HNMT: variants seen among roughly 807,000 people sequenced by gnomAD.
The protein encoded by HNMT is histamine N-methyltransferase.
Under a neutral mutation model 32.1 loss-of-function variants are expected in HNMT, and 30 were observed. That is an observed-to-expected ratio of 0.93 (90% CI 0.70 to 1.27). The LOEUF (loss-of-function observed/expected upper bound fraction) is 1.27, where lower values mean the gene tolerates loss of function less well. HNMT is among the 50% of genes most tolerant of loss of function. HNMT has a pLI of 0.00. For missense variants in HNMT, 327 were observed against 346.0 expected (o/e 0.95, Z 0.43); for synonymous variants, 125 against 119.0 (o/e 1.05, Z -0.33).
In HNMT at chr2:137,992,770, G is replaced by C. The variant is rs114323147; in HGVS notation, c.191-8148G>C. ...AGAGGTTGTCAGACACCCTATACAG[G>C]AGTGCTCCTACTGGCATCAGGCTGG... On this transcript the variant is annotated intron_variant, in intron 2 of 5. Transcript: ENST00000280097. 2.3e-3 allele frequency among the ~76,000 whole-genome samples: 347 copies of C among 152,234 alleles called. 2 individuals are homozygous for C. Among genetic ancestry groups the C allele is most frequent in the African/African-American group, 5.8e-3 (241 of 41,548 alleles).
At chr2:137,985,690 C>G (rs1195395776) in intron 2 of HNMT, among the ~76,000 whole-genome samples, 1 of 152,174 alleles carries the variant, frequency 6.6e-6, no homozygotes. Flanking sequence ...CCAGAACAGA[C>G]AGTCTCCCAC....
intron 5 of HNMT, 36 bp from the exon 6 acceptor site, chr2:138,013,739 A>G (rs745434239): frequency 2.6e-6 from 4 of 1,525,020 alleles, no homozygotes; most frequent in Non-Finnish European, 3.6e-6. Flanking sequence ...TGAAAGAAAG[A>G]ATAAATGAAA....
intron 4 of HNMT, chr2:138,002,872 A>G (rs889222480): frequency 1.7e-5 from 11 of 636,172 alleles, no homozygotes; most frequent in Admixed American, 6.3e-5. Context: ...TGTAGTGGAC[A>G]TATGGTCGAA....
At chr2:137,986,927 T>C (rs1013838574) in intron 2 of HNMT, among the ~76,000 whole-genome samples, 8 of 152,128 alleles carry the variant, frequency 5.3e-5, no homozygotes, top group African/African-American at 1.7e-4. Flanking sequence ...AAGGGATCAA[T>C]TGAGAAAATC....
At chr2:137,977,606 A>T (rs1680325113) in intron 2 of HNMT, among the ~76,000 whole-genome samples, 2 of 152,122 alleles carry the variant, frequency 1.3e-5, no homozygotes, top group African/African-American at 4.8e-5. Context: ...AATATAAAAA[A>T]TTTAAAGAAA....
At chr2:137,976,919 T>A (rs756912818) in intron 2 of HNMT, among the ~76,000 whole-genome samples, 3 of 152,198 alleles carry the variant, frequency 2.0e-5, no homozygotes, top group Non-Finnish European at 4.4e-5. Flanking sequence ...GAGCATAGTG[T>A]TAGAACACTG....
intron 2 of HNMT, among the ~76,000 whole-genome samples, chr2:137,975,573 T>G (rs535287029): frequency 6.6e-6 from 1 of 152,332 alleles, no homozygotes; most frequent in South Asian, 2.1e-4. Flanking sequence ...GACTAGCTAT[T>G]TGAAAATCTA....
chr2:137,967,335 C>T lies in HNMT; in HGVS notation c.137+2707C>T, dbSNP rs566369074. 6.1e-5 allele frequency: 31 copies of T among 511,060 alleles called. 1 individual carries two copies. Among genetic ancestry groups the T allele is most frequent in the African/African-American group, 1.4e-4 (7 of 51,746 alleles). The allele number at this position is 511,060 out of a possible 1,614,324, so 31.7% of individuals were successfully genotyped here. On this transcript the variant is annotated intron_variant, in intron 1 of 5. Coordinates refer to ENST00000280097, the MANE Select transcript of HNMT (RefSeq NM_006895.3). ...GGAAGATCACTTAAGTCCGAGAGATCGAGGCTTCAGTGAGATATGGCTGAG... is the reference window on the plus strand; with the variant it reads ...GGAAGATCACTTAAGTCCGAGAGATTGAGGCTTCAGTGAGATATGGCTGAG...
At chr2:137,996,943 T>C (rs1011189718) in intron 2 of HNMT, among the ~76,000 whole-genome samples, 1 of 152,150 alleles carries the variant, frequency 6.6e-6, no homozygotes, top group African/African-American at 2.4e-5. Flanking sequence ...ATTCAGTAAA[T>C]GGTGCTGGGA....
At chr2:137,976,092 C>G (rs930223430) in intron 2 of HNMT, among the ~76,000 whole-genome samples, 2 of 151,868 alleles carry the variant, frequency 1.3e-5, no homozygotes, top group Non-Finnish European at 2.9e-5. Context: ...CATAGTGAAA[C>G]CCGGCTTTTC....
At chr2:137,999,693 C>T (rs1681101642) in intron 2 of HNMT, among the ~76,000 whole-genome samples, 1 of 152,094 alleles carries the variant, frequency 6.6e-6, no homozygotes, top group Admixed American at 6.6e-5. Flanking sequence ...TGAAGGTCAA[C>T]ATCATAACCT....
intron 4 of HNMT, 89 bp downstream of exon 4, chr2:138,002,283 G>T (rs1339355047): frequency 1.8e-6 from 2 of 1,130,564 alleles, no homozygotes; most frequent in Non-Finnish European, 2.3e-6. Context: ...ATTTTTAAAA[G>T]GTAAATGAAA....
At chr2:137,970,937 G>A (rs12691938) in intron 2 of HNMT, among the ~76,000 whole-genome samples, 220 of 3,530 alleles carry the variant, frequency 0.062, 74 homozygotes, top group African/African-American at 0.13. Flanking sequence ...AAAAAAAAAA[G>A]AAAGAAAGAA....
intron 2 of HNMT, among the ~76,000 whole-genome samples, chr2:137,974,350 T>G (rs543594314): frequency 6.6e-6 from 1 of 152,210 alleles, no homozygotes; most frequent in South Asian, 2.1e-4. Flanking sequence ...CTAAATCTCA[T>G]AGAACATGCT....
chr2:137,992,799 C>G (rs918117049), intron 2 of HNMT, among the ~76,000 whole-genome samples: 1 of 152,110 alleles, frequency 6.6e-6, no homozygotes, highest in African/African-American at 2.4e-5. Flanking sequence ...AGGCTGGTGC[C>G]CCTCAAGGTC....
intron 2 of HNMT, among the ~76,000 whole-genome samples, chr2:137,990,200 G>A (rs1192872097): frequency 1.3e-5 from 2 of 152,014 alleles, no homozygotes; most frequent in Non-Finnish European, 2.9e-5. Flanking sequence ...TTATATTTTA[G>A]GAATTTTACA....
intron 2 of HNMT, among the ~76,000 whole-genome samples, chr2:137,990,908 G>A (rs1347070691): frequency 6.6e-6 from 1 of 151,860 alleles, no homozygotes; most frequent in Non-Finnish European, 1.5e-5. Context: ...AATAATGTCA[G>A]ATCCCACAGG....
rs145847522 is a variant in HNMT, at chr2:138,002,177, T to G, written c.412T>G (p.Phe138Val). 59 of 1,574,552 alleles carry G rather than the reference T, an allele frequency of 3.7e-5. No individual in the cohort carries two copies. Among genetic ancestry groups the G allele is most frequent in the Non-Finnish European group, 4.8e-5 (55 of 1,151,198 alleles). ...GAAAAAGGAGCTTCAAAAGTGGGAC[T>G]TTATTCATATGATTCAAGTAAGAAA... ...LEKKELQKWD[F>V]IHMIQMLYYV... is the part of the protein sequence containing the mutation. The change falls in exon 4 of 6, where the codon TTT becomes GTT. Residue 138 changes from phenylalanine to valine, a missense_variant. By Grantham distance (50) the Phe-to-Val change is conservative. Coordinates refer to ENST00000280097, the MANE Select transcript of HNMT (RefSeq NM_006895.3).
chr2:138,000,516 A>ATT (rs200371436), intron 2 of HNMT, among the ~76,000 whole-genome samples: 14 of 148,694 alleles, frequency 9.4e-5, no homozygotes, highest in African/African-American at 3.2e-4. Flanking sequence ...TCTGAGGTGC[A>ATT]TTTTTTTTTC....
Sources: allele counts gnomAD v4.1 joint callset (sites outside exome capture counted in the v4.1 genomes callset), GRCh38; gene constraint gnomAD v4.1.1; transcripts MANE v1.5; gene names NCBI Gene and HGNC (gene_info 2026-07-23, HGNC 2026-07-21).